EVA1A: variants seen among roughly 807,000 people sequenced by gnomAD.
EVA1A encodes the protein protein eva-1 homolog A.
EVA1A carries 7 observed loss-of-function variants against 9.8 expected under a neutral mutation model. That is an observed-to-expected ratio of 0.71 (90% CI 0.41 to 1.34). The LOEUF is 1.34. EVA1A is among the 40% of genes most tolerant of loss of function. The pLI is 0.01. For missense variants in EVA1A, 206 were observed against 205.9 expected (o/e 1.00, Z 0.00); for synonymous variants, 90 against 85.6 (o/e 1.05, Z -0.28).
Position 75,546,390 on chromosome 2 carries a change from T to G in EVA1A, c.-192+14290A>C, listed in dbSNP as rs929220181. On this transcript the variant is annotated intron_variant, in intron 1 of 3. Transcript: ENST00000393913. ...ATGAATGAATGAGCAAAGTGCCAAG[T>G]AGGGAAAGAAGAGGCTGGGGGGAAA... 3.9e-5 allele frequency among the ~76,000 whole-genome samples: 6 copies of G among 151,974 alleles called. No homozygotes were observed. In the East Asian group the frequency reaches 1.2e-3, roughly 29 times the overall value.
intron 2 of EVA1A, chr2:75,518,944 C>T: frequency 1.2e-6 from 1 of 854,902 alleles, no homozygotes; most frequent in Non-Finnish European, 1.4e-6. Context: ...TGCTCCCTGC[C>T]TCTAGCTCCA....
chr2:75,499,614 C>G (rs992139470), intron 3 of EVA1A, among the ~76,000 whole-genome samples: 7 of 152,152 alleles, frequency 4.6e-5, no homozygotes, highest in African/African-American at 1.7e-4. Context: ...TCCAGAGTTC[C>G]CTAGGAGCCC....
At chr2:75,538,513 T>G (rs1360899462) in intron 1 of EVA1A, among the ~76,000 whole-genome samples, 1 of 152,206 alleles carries the variant, frequency 6.6e-6, no homozygotes, top group Non-Finnish European at 1.5e-5. Flanking sequence ...GAGAGCACAA[T>G]ATGCAACTTT....
rs369941160 is a variant in EVA1A, at chr2:75,499,780, G to A, written c.86-6171C>T. ...GCCCAGGTTGCTGCCTCTGCCCACAGACTCATCAGTCCACTGACTATGCCT... is the reference window on the plus strand; with the variant it reads ...GCCCAGGTTGCTGCCTCTGCCCACAAACTCATCAGTCCACTGACTATGCCT... On this transcript the variant is annotated intron_variant, in intron 3 of 3. Coordinates refer to ENST00000393913, the MANE Select transcript of EVA1A (RefSeq NM_001135032.2). Among the ~76,000 whole-genome samples the A allele has an allele frequency of 1.9e-3, 283 of 152,246 alleles. 5 individuals carry two copies. The highest frequency in any genetic ancestry group is 6.6e-3 in the African/African-American group (274 of 41,544).
intron 3 of EVA1A, among the ~76,000 whole-genome samples, chr2:75,510,415 G>A (rs933322474): frequency 6.6e-6 from 1 of 152,146 alleles, no homozygotes; most frequent in African/African-American, 2.4e-5. Context: ...AGGATTCACA[G>A]TATAAAGGGT....
rs927080117 is a variant in EVA1A at position 75,493,080 on chromosome 2, A to T, written c.*156T>A. On this transcript the variant is annotated 3_prime_UTR_variant, in exon 4 of 4. Transcript: ENST00000393913. ...CTACTTCTCCATACATTTGGCCAAA[A>T]AGGAGCAATCCTCCTGGCTAGAAAA... The T allele has an allele frequency of 1.8e-6, 2 of 1,130,380 alleles. No homozygotes were observed. The highest frequency in any genetic ancestry group is 2.5e-6 in the Non-Finnish European group (2 of 800,694). The allele number at this position is 1,130,380 out of a possible 1,614,324, so 70.0% of individuals were successfully genotyped here. A position where few individuals can be genotyped will look rare whatever the true frequency, so the allele number is the denominator to read the frequency against.
At chr2:75,500,178 G>A (rs1046807600) in intron 3 of EVA1A, among the ~76,000 whole-genome samples, 4 of 152,186 alleles carry the variant, frequency 2.6e-5, no homozygotes, top group Admixed American at 2.6e-4. Context: ...TCAATGACAG[G>A]AGGCAAAAGC....
intron 1 of EVA1A, among the ~76,000 whole-genome samples, chr2:75,539,068 A>C (rs1290262157): frequency 6.6e-6 from 1 of 152,190 alleles, no homozygotes; most frequent in Non-Finnish European, 1.5e-5. Flanking sequence ...TCTCCAAAAA[A>C]AGTCTAATTA....
chr2:75,499,168 G>A (rs948564077), intron 3 of EVA1A, among the ~76,000 whole-genome samples: 3 of 152,284 alleles, frequency 2.0e-5, no homozygotes, highest in Admixed American at 2.0e-4. Flanking sequence ...TGGCCTCCCT[G>A]GATTGGGTTA....
chr2:75,495,569 A>C (rs1020554669), intron 3 of EVA1A, among the ~76,000 whole-genome samples: 10 of 152,128 alleles, frequency 6.6e-5, no homozygotes, highest in African/African-American at 2.2e-4. Context: ...AAATACAAAA[A>C]CTTCATTTTG....
rs113326669 is a variant in EVA1A at position 75,499,650 on chromosome 2, T to C, written c.86-6041A>G. 6.6e-3 allele frequency among the ~76,000 whole-genome samples: 1,002 copies of C among 152,308 alleles called. 7 individuals are homozygous for C. Among genetic ancestry groups the C allele is most frequent in the African/African-American group, 0.023 (947 of 41,560 alleles). On this transcript the variant is annotated intron_variant, in intron 3 of 3. Transcript: ENST00000393913. ...TTTTCCTCTGAAAGAGACTTGACTC[T>C]GCTTCAGAAATCTGCTCCCAATTGC...
At chr2:75,495,306 C>T (rs1674171354) in intron 3 of EVA1A, among the ~76,000 whole-genome samples, 1 of 152,140 alleles carries the variant, frequency 6.6e-6, no homozygotes, top group African/African-American at 2.4e-5. Context: ...GTGGGGGCAA[C>T]CAGCCCTAGG....
chr2:75,499,528 T>A (rs1674333844), intron 3 of EVA1A, among the ~76,000 whole-genome samples: 1 of 152,202 alleles, frequency 6.6e-6, no homozygotes, highest in Non-Finnish European at 1.5e-5. Context: ...GAAGCCCATT[T>A]GCTGGAGAAA....
chr2:75,498,731 A>G (rs988611248), intron 3 of EVA1A, among the ~76,000 whole-genome samples: 1 of 152,096 alleles, frequency 6.6e-6, no homozygotes, highest in African/African-American at 2.4e-5. Flanking sequence ...CATGTTGTCA[A>G]TGTATCTGTA....
chr2:75,525,993 T>C (rs928849754), intron 1 of EVA1A: 1 of 152,244 alleles, frequency 6.6e-6, no homozygotes, highest in African/African-American at 2.4e-5. Context: ...AAGGCAGAGC[T>C]TGCTTGTCTT....
chr2:75,557,930 A>G (rs1382259700), intron 1 of EVA1A, among the ~76,000 whole-genome samples: 1 of 152,252 alleles, frequency 6.6e-6, no homozygotes, highest in African/African-American at 2.4e-5. Flanking sequence ...CTTATCTCAC[A>G]TTAACTGAGC....
upstream of EVA1A, among the ~76,000 whole-genome samples, chr2:75,564,383 G>A (rs146204495): frequency 3.3e-5 from 5 of 152,316 alleles, no homozygotes; most frequent in East Asian, 1.9e-4. Context: ...CTTCATGCCC[G>A]GTTCTCGGCC....
At chr2:75,563,096 G>A (rs897948317), upstream of EVA1A, among the ~76,000 whole-genome samples, 3 of 152,158 alleles carry the variant, frequency 2.0e-5, no homozygotes, top group Non-Finnish European at 4.4e-5. Context: ...TACTTAGTAC[G>A]TGCCAGTCAC....
chr2:75,561,852 G>A (rs1289419803), upstream of EVA1A, among the ~76,000 whole-genome samples: 1 of 152,200 alleles, frequency 6.6e-6, no homozygotes, highest in Non-Finnish European at 1.5e-5. Flanking sequence ...CCTAGAAGCA[G>A]TGTGATGGAA....
Sources: gnomAD v4.1 joint callset for allele counts (sites outside exome capture counted in the v4.1 genomes callset) on GRCh38, gnomAD v4.1.1 for gene constraint, MANE v1.5 for transcripts, NCBI Gene and HGNC (gene_info 2026-07-23, HGNC 2026-07-21) for gene names.